Variants in SNTG1 observed in about 807,000 individuals in gnomAD.
SNTG1 encodes the protein syntrophin gamma 1, also known as gamma-1-syntrophin.
In SNTG1, 39 loss-of-function variants were observed where a neutral mutation model predicts 74.7. The ratio of observed to expected loss-of-function variants is 0.52; its 90% confidence interval spans 0.40 to 0.68. The LOEUF (loss-of-function observed/expected upper bound fraction) is 0.68. Among genes scored for constraint, SNTG1 ranks in the 30% least tolerant of loss-of-function variants. SNTG1 has a pLI of 0.00. For synonymous variants in SNTG1, 254 were observed against 217.1 expected (o/e 1.17, Z -1.49); for missense variants, 685 against 609.5 (o/e 1.12, Z -1.30).
chr8:50,129,012 C>T (rs1371917811), intron 1 of SNTG1, among the ~76,000 whole-genome samples: 1 of 151,868 alleles, frequency 6.6e-6, no homozygotes, highest in South Asian at 2.1e-4. Flanking sequence ...TGACCAGTAG[C>T]GAGAGTCAGA....
intron 1 of SNTG1, among the ~76,000 whole-genome samples, chr8:50,051,183 T>C (rs570037774): frequency 5.3e-4 from 80 of 151,212 alleles, no homozygotes; most frequent in African/African-American, 1.9e-3. Flanking sequence ...ATACTTATTT[T>C]GGAAAGTAAA....
At chr8:50,094,635 T>G (rs1365068294) in intron 1 of SNTG1, among the ~76,000 whole-genome samples, 1 of 152,120 alleles carries the variant, frequency 6.6e-6, no homozygotes, top group African/African-American at 2.4e-5. Flanking sequence ...AACAGTGAGA[T>G]GCCTTCACAC....
intron 2 of SNTG1, among the ~76,000 whole-genome samples, chr8:50,310,753 G>A (rs1193005250): frequency 6.6e-6 from 1 of 152,094 alleles, no homozygotes; most frequent in Non-Finnish European, 1.5e-5. Context: ...GTGAGTCTGT[G>A]AAGCTATTAA....
intron 17 of SNTG1, among the ~76,000 whole-genome samples, chr8:50,730,923 G>A (rs185741643): frequency 6.6e-5 from 10 of 152,032 alleles, no homozygotes; most frequent in Admixed American, 1.3e-4. Context: ...TCTACAAAGC[G>A]ATTTTATGAG....
chr8:50,242,211 T>C (rs985342560), intron 2 of SNTG1, among the ~76,000 whole-genome samples: 6 of 151,904 alleles, frequency 3.9e-5, no homozygotes, highest in African/African-American at 1.5e-4. Flanking sequence ...CTATAAGTCT[T>C]TGAATAAAGC....
chr8:50,208,515 A>G lies in SNTG1; in HGVS notation c.-28+35880A>G, dbSNP rs536603278. On this transcript the variant is annotated intron_variant, in intron 2 of 18. Coordinates refer to ENST00000642720, the MANE Select transcript of SNTG1 (RefSeq NM_018967.5). ...CTGACGGGTCTTGACTGTTTATCCA[A>G]TTTACCATTCTGTGTCTTTTAATTG... Among the ~76,000 whole-genome samples the G allele has an allele frequency of 8.5e-5, 13 of 152,152 alleles. 1 individual carries two copies. Among genetic ancestry groups the G allele is most frequent in the African/African-American group, 2.9e-4 (12 of 41,524 alleles).
chr8:50,391,009 T>C (rs1438624863), intron 2 of SNTG1, among the ~76,000 whole-genome samples: 1 of 152,200 alleles, frequency 6.6e-6, no homozygotes, highest in Non-Finnish European at 1.5e-5. Flanking sequence ...AATCATGTCA[T>C]CTGCAAACAG....
Position 50,792,812 on chromosome 8 carries a change from G to A in SNTG1, c.1537G>A (p.Ala513Thr), listed in dbSNP as rs1472965667. ...TGCCAGCTCTGCTACCACGAGCAAA[G>A]CAAAGTATACAACTTGACATACTGA... ...TAASSATTSK[A>T]KYTT is the part of the protein sequence containing the mutation. Residue 513 changes from alanine (A) to threonine (T), a missense_variant, in exon 19 of 19, where the codon GCA becomes ACA. By Grantham distance (58) the Ala-to-Thr change is moderately conservative. Transcript: ENST00000642720. 1 of 1,611,744 alleles carries A rather than the reference G, an allele frequency of 6.2e-7. No homozygotes were observed. Among genetic ancestry groups the A allele is most frequent in the Non-Finnish European group, 8.5e-7 (1 of 1,178,612 alleles).
At chr8:50,148,880 G>T (rs955294346) in intron 1 of SNTG1, among the ~76,000 whole-genome samples, 5 of 152,178 alleles carry the variant, frequency 3.3e-5, no homozygotes, top group African/African-American at 1.2e-4. Context: ...TGCCTTGATA[G>T]CAGCATGATT....
At chr8:50,166,758 C>T (rs1409289340) in intron 1 of SNTG1, among the ~76,000 whole-genome samples, 1 of 132,696 alleles carries the variant, frequency 7.5e-6, no homozygotes, top group Non-Finnish European at 1.6e-5. Context: ...TTGACCCAGC[C>T]ATCCCATTAC....
chr8:50,034,422 C>A (rs1347440105), intron 1 of SNTG1, among the ~76,000 whole-genome samples: 1 of 152,156 alleles, frequency 6.6e-6, no homozygotes, highest in Admixed American at 6.5e-5. Context: ...ATTGTTTTCA[C>A]TGTTTAAGAA....
intron 1 of SNTG1, among the ~76,000 whole-genome samples, chr8:49,951,220 C>CTT (rs1466422391): frequency 6.6e-6 from 1 of 152,094 alleles, no homozygotes; most frequent in Non-Finnish European, 1.5e-5. Flanking sequence ...ACGGAAAATA[C>CTT]TTAAAGGTGA....
intron 1 of SNTG1, among the ~76,000 whole-genome samples, chr8:50,002,639 T>A (rs1024248248): frequency 6.6e-6 from 1 of 152,184 alleles, no homozygotes; most frequent in Admixed American, 6.5e-5. Flanking sequence ...CTTAAATTTA[T>A]TTAAGAGATT....
chr8:50,210,362 C>T (rs2084459094), intron 2 of SNTG1, among the ~76,000 whole-genome samples: 1 of 152,156 alleles, frequency 6.6e-6, no homozygotes, highest in Non-Finnish European at 1.5e-5. Flanking sequence ...CATTCAAATA[C>T]AGGAAGTACA....
intron 15 of SNTG1, among the ~76,000 whole-genome samples, chr8:50,684,913 G>T (rs1465003145): frequency 9.2e-6 from 1 of 108,948 alleles, no homozygotes. Flanking sequence ...ACAGTCCCCA[G>T]AGTGTGATAT....
intron 1 of SNTG1, among the ~76,000 whole-genome samples, chr8:49,917,885 C>A (rs759399331): frequency 6.6e-6 from 1 of 152,166 alleles, no homozygotes; most frequent in Non-Finnish European, 1.5e-5. Flanking sequence ...CTCGACTCAG[C>A]TCTGCTCAGT....
chr8:50,412,509 C>A (rs977282193), intron 4 of SNTG1, among the ~76,000 whole-genome samples: 1 of 152,026 alleles, frequency 6.6e-6, no homozygotes, highest in Non-Finnish European at 1.5e-5. Flanking sequence ...CAAGTGAATG[C>A]AAGTAAAAGA....
chr8:50,651,691 A>C (rs1220524865), intron 13 of SNTG1, among the ~76,000 whole-genome samples: 1 of 152,138 alleles, frequency 6.6e-6, no homozygotes, highest in Non-Finnish European at 1.5e-5. Context: ...TCCTGACCTC[A>C]GGTGATCCAC....
chr8:50,762,770 ATCT>A (rs2131744951), intron 18 of SNTG1: 1 of 472,458 alleles, frequency 2.1e-6, no homozygotes, highest in South Asian at 1.5e-5. Flanking sequence ...CTGAACAAAG[ATCT>A]TCTTGCCTTT....
Sources: gnomAD v4.1 joint callset for allele counts (sites outside exome capture counted in the v4.1 genomes callset) on GRCh38, gnomAD v4.1.1 for gene constraint, MANE v1.5 for transcripts, NCBI Gene and HGNC (gene_info 2026-07-23, HGNC 2026-07-21) for gene names.